Variants in CUBN observed in about 807,000 individuals in gnomAD.
CUBN encodes the protein 460 kDa receptor.
A neutral mutation model predicts 405.3 loss-of-function variants in CUBN; 282 were observed. The observed-to-expected ratio is 0.70, with a 90% CI of 0.63 to 0.77. The LOEUF (loss-of-function observed/expected upper bound fraction) is 0.77. Ranked by LOEUF, CUBN falls within the 30% of genes least tolerant of loss-of-function variation. The pLI is 0.00. For missense variants in CUBN, 4,514 were observed against 4,475.2 expected, an observed-to-expected ratio of 1.01 and a Z score of -0.25; for synonymous variants, 1,684 against 1,617.0, an observed-to-expected ratio of 1.04 and a Z score of -0.99.
At chr10:16,941,305 G>C (rs1418963730) in intron 36 of CUBN, among the ~76,000 whole-genome samples, 1 of 151,966 alleles carries the variant, frequency 6.6e-6, no homozygotes, top group Non-Finnish European at 1.5e-5. Context: ...TCCTTATGGA[G>C]AGAGAGGAAA....
intron 30 of CUBN, among the ~76,000 whole-genome samples, chr10:16,983,272 CTG>C (rs372547135): frequency 4.0e-5 from 6 of 150,798 alleles, no homozygotes; most frequent in East Asian, 1.9e-4. Flanking sequence ...ATGTGTGTGT[CTG>C]TGTGTGTGTG....
chr10:16,897,785 G>A (rs1841232347), intron 54 of CUBN, among the ~76,000 whole-genome samples: 1 of 152,152 alleles, frequency 6.6e-6, no homozygotes, highest in African/African-American at 2.4e-5. Context: ...ATTAGGAGAA[G>A]ACGAGTGCTT....
chr10:16,905,147 A>C (rs1057359455), intron 50 of CUBN, among the ~76,000 whole-genome samples: 1 of 152,116 alleles, frequency 6.6e-6, no homozygotes. Context: ...ATTACACAGA[A>C]CTCAGCAAAA....
At position 16,843,246 on chromosome 10, in the gene CUBN, T is replaced by G. The variant is rs1417519085; in HGVS notation, c.9664-2199A>C. Among the ~76,000 whole-genome samples the G allele has an allele frequency of 2.0e-5, 3 of 152,184 alleles. No homozygotes were observed. In the East Asian group the frequency reaches 5.8e-4, roughly 29 times the overall value. ...CTTGGATTTCCCTGAAACACATAAC[T>G]AGAAAATGTTTTCTTCTGAGTAATC... is the stretch of plus-strand genomic sequence containing the variant. On this transcript the variant is annotated intron_variant, in intron 60 of 66. Transcript: ENST00000377833.
At position 16,845,803 on chromosome 10, in the gene CUBN, A is replaced by G. The variant is rs558804305; in HGVS notation, c.9664-4756T>C. 2.0e-5 allele frequency among the ~76,000 whole-genome samples: 3 copies of G among 152,354 alleles called. No individual in the cohort carries two copies. The East Asian group carries it at 5.8e-4, about 29-fold the overall frequency. ...AGATGGACAGCCCCTCCTCAGCTCC[A>G]GTGTCTGACACAGACTGAATGGTTA... On this transcript the variant is annotated intron_variant, in intron 60 of 66. Coordinates refer to ENST00000377833, the MANE Select transcript of CUBN (RefSeq NM_001081.4).
At chr10:16,969,780 C>T (rs1038778578) in intron 31 of CUBN, among the ~76,000 whole-genome samples, 2 of 152,102 alleles carry the variant, frequency 1.3e-5, no homozygotes, top group African/African-American at 4.8e-5. Flanking sequence ...CCTATAGGGA[C>T]TAGGCCTACT....
rs1432658808 is a variant in CUBN at position 17,115,537 on chromosome 10, T to C, written c.654A>G (p.Glu218=). ...GGACACAGCGTGCCACAGAACCCCCTTCACAGTCGTCATATTTGGATGCAC... is the reference window on the plus strand; with the variant it reads ...GGACACAGCGTGCCACAGAACCCCCCTCACAGTCGTCATATTTGGATGCAC... The part of the protein sequence containing the change: ...PQCASKYDDC[E]GGSVARCVHG... Residue 218 remains glutamate (E), a synonymous_variant, in exon 7 of 67, where the codon GAA becomes GAG. Coordinates refer to ENST00000377833, the MANE Select transcript of CUBN (RefSeq NM_001081.4). 1.2e-6 allele frequency: 2 copies of C among 1,614,006 alleles called. No homozygotes were observed. Among genetic ancestry groups the C allele is most frequent in the East Asian group, 4.5e-5 (2 of 44,880 alleles).
In CUBN at chr10:16,925,747, C is replaced by T; in HGVS notation, c.6299G>A (p.Arg2100Lys). 6.2e-7 allele frequency: 1 copy of T among 1,613,982 alleles called. No homozygotes were observed. Among genetic ancestry groups the T allele is most frequent in the South Asian group, 1.1e-5 (1 of 91,062 alleles). The change falls in exon 42 of 67, where the codon AGA (arginine) becomes AAA (lysine). Residue 2100 changes from arginine (R) to lysine (K), a missense_variant. Around this residue, in one of 5 missense-constraint regions of CUBN, gnomAD observed 1,613 missense variants for 1,542.8 expected, o/e 1.05. Transcript: ENST00000377833. ...ATACTTGGGGGACGTGATGATCCCTCTGTCTGCATGCAAATATCCACCGCA... is the reference window on the plus strand; with the variant it reads ...ATACTTGGGGGACGTGATGATCCCTTTGTCTGCATGCAAATATCCACCGCA... ...KSCGGYLHAD[R>K]GIITSPKYPE...
rs1049910448 is a variant in CUBN, at chr10:17,119,467, C to T, written c.593+3328G>A. On this transcript the variant is annotated intron_variant, in intron 6 of 66. Transcript: ENST00000377833. The stretch of plus-strand genomic sequence containing the variant: ...CTGAGGTCAGGAGTTTGAGACCAGC[C>T]TGGCCAACATGGTGAAACCCCATCT... 2.6e-5 allele frequency among the ~76,000 whole-genome samples: 4 copies of T among 152,134 alleles called. No homozygotes were observed. The South Asian group carries it at 8.3e-4, about 32-fold the overall frequency.
chr10:16,932,340 G>GC (rs1842386017), intron 40 of CUBN, among the ~76,000 whole-genome samples: 1 of 152,112 alleles, frequency 6.6e-6, no homozygotes, highest in Admixed American at 6.5e-5. Flanking sequence ...GGATCTGGGG[G>GC]CCACACTGAG....
At chr10:16,876,764 C>T (rs1198865956) in intron 57 of CUBN, 133 bp downstream of exon 57, 25 of 823,592 alleles carry the variant, frequency 3.0e-5, no homozygotes, top group South Asian at 2.9e-4. Context: ...TAACCATGAA[C>T]CTCACTGACA....
chr10:17,010,920 C>A (rs1834162149), intron 28 of CUBN, among the ~76,000 whole-genome samples: 1 of 152,180 alleles, frequency 6.6e-6, no homozygotes, highest in Non-Finnish European at 1.5e-5. Context: ...CTCTGACATT[C>A]CTATAATGAG....
intron 28 of CUBN, among the ~76,000 whole-genome samples, chr10:17,005,109 TAAATTTCCCACTTAA>T (rs1230964066): frequency 6.6e-6 from 1 of 152,212 alleles, no homozygotes; most frequent in Non-Finnish European, 1.5e-5. Context: ...TTTGCATCAC[TAAATTTCCCACTTAA>T]AAATCCATTG....
Position 17,122,836 on chromosome 10 carries a change from G to C in CUBN, c.552C>G (p.Cys184Trp). Residue 184 changes from cysteine (C) to tryptophan (W), a missense_variant, in exon 6 of 67, where the codon TGC becomes TGG. Physicochemically the swap from Cys to Trp is radical, Grantham distance 215. This residue lies in a region of CUBN where 1,448 missense variants were observed against 1,388.0 expected (regional missense o/e 1.04). Transcript: ENST00000377833. ...TATTAACACATGTGCCTCCATTCTG[G>C]CAGCTCAAGGGTGTTCCTGAGTAAA... ...CEIYSGTPLS[C>W]QNGGTCVNTM... The C allele has an allele frequency of 1.9e-6, 3 of 1,613,490 alleles. No individual in the cohort carries two copies. The highest frequency in any genetic ancestry group is 2.5e-6 in the Non-Finnish European group (3 of 1,179,794).
chr10:17,105,682 G>T, intron 10 of CUBN, 107 bp from the exon 11 acceptor site: 1 of 718,502 alleles, frequency 1.4e-6, no homozygotes, highest in Non-Finnish European at 2.5e-6. Context: ...CCAACATCCA[G>T]TCTGTGTATT....
intron 56 of CUBN, 68 bp from the exon 57 acceptor site, chr10:16,877,165 A>G (rs1289282837): frequency 5.1e-6 from 7 of 1,377,752 alleles, no homozygotes; most frequent in Non-Finnish European, 7.1e-6. Flanking sequence ...CATAAAAATA[A>G]AAACAAAAAT....
chr10:17,094,927 G>C (rs1281086646), intron 14 of CUBN, among the ~76,000 whole-genome samples: 3 of 151,744 alleles, frequency 2.0e-5, no homozygotes, highest in South Asian at 2.1e-4. Flanking sequence ...AAGCAATCTT[G>C]AGCAAAAAGA....
intron 60 of CUBN, among the ~76,000 whole-genome samples, chr10:16,843,147 T>C (rs572396892): frequency 1.7e-4 from 26 of 152,256 alleles, no homozygotes; most frequent in Non-Finnish European, 3.1e-4. Context: ...ACTTCTTCAC[T>C]GTGGTGTCGC....
In CUBN at chr10:16,825,002, G is replaced by A. The variant is rs146137990; in HGVS notation, c.10845C>T (p.Ser3615=). Residue 3615 remains serine, a synonymous_variant, in exon 67 of 67, where the codon TCC becomes TCT. Coordinates refer to ENST00000377833, the MANE Select transcript of CUBN (RefSeq NM_001081.4). ...AGCTGTCCCAAGTTAATCGGAATGC[G>A]GATGGACGCCGTGCATAATCAGCAT... ...KFHADYARRP[S]AFRLTWDS is the part of the protein sequence containing the mutation. 144 of 1,613,582 alleles carry A rather than the reference G, an allele frequency of 8.9e-5. No individual in the cohort carries two copies. Among genetic ancestry groups the A allele is most frequent in the Non-Finnish European group, 1.1e-4 (128 of 1,179,812 alleles).
Sources: gnomAD v4.1 joint callset for allele counts (sites outside exome capture counted in the v4.1 genomes callset) on GRCh38, gnomAD v4.1.1 for gene constraint, gnomAD v4.1.1 regional missense constraint, MANE v1.5 for transcripts, NCBI Gene and HGNC (gene_info 2026-07-23, HGNC 2026-07-21) for gene names.